The following GLYATL2 variants were observed in gnomAD, a reference collection of about 807,000 sequenced individuals.
GLYATL2 encodes the protein glycine N-acyltransferase-like protein 2.
GLYATL2 carries 25 observed loss-of-function variants against 21.4 expected under a neutral mutation model. That is an observed-to-expected ratio of 1.17 (90% confidence interval 0.85 to 1.63). The LOEUF (loss-of-function observed/expected upper bound fraction) is 1.63, where lower values mean the gene tolerates loss of function less well. Among genes scored for constraint, GLYATL2 ranks in the 40% most tolerant of loss-of-function variants. GLYATL2 has a pLI of 0.00. For missense variants in GLYATL2, 361 were observed against 343.3 expected (o/e 1.05, Z -0.41); for synonymous variants, 114 against 118.2 (o/e 0.96, Z 0.23).
intron 1 of GLYATL2, among the ~76,000 whole-genome samples, chr11:58,869,027 A>ATCAT (rs1565098933): frequency 2.3e-4 from 30 of 128,744 alleles, no homozygotes; most frequent in East Asian, 1.6e-3. Flanking sequence ...TGTGGGTACC[A>ATCAT]GATGGTGGGA....
intron 1 of GLYATL2, among the ~76,000 whole-genome samples, chr11:58,894,238 G>C (rs1389559249): frequency 6.6e-6 from 1 of 152,174 alleles, no homozygotes; most frequent in Non-Finnish European, 1.5e-5. Context: ...GACTACTAAG[G>C]TGAGGACTGG....
At chr11:58,874,654 C>T (rs1450095700) in intron 1 of GLYATL2, among the ~76,000 whole-genome samples, 2 of 152,146 alleles carry the variant, frequency 1.3e-5, no homozygotes, top group Admixed American at 6.6e-5. Flanking sequence ...GTCTGAGAAA[C>T]AGTTTGTTAT....
intron 5 of GLYATL2, 58 bp from the exon 6 acceptor site, chr11:58,834,895 CA>C: frequency 1.5e-6 from 2 of 1,325,138 alleles, no homozygotes; most frequent in Non-Finnish European, 2.1e-6. Context: ...ACTGGAATTT[CA>C]AAAAATAAAT....
chr11:58,840,242 T>C (rs1250836018), intron 1 of GLYATL2, among the ~76,000 whole-genome samples: 1 of 152,166 alleles, frequency 6.6e-6, no homozygotes, highest in Admixed American at 6.5e-5. Context: ...TGGAATTATA[T>C]GTTAGCAACC....
At position 58,855,640 on chromosome 11, in the gene GLYATL2, T is replaced by C. The variant is rs114355884; in HGVS notation, n.61-17272A>G. Among the ~76,000 whole-genome samples, 598 of 152,362 alleles carry C rather than the reference T, an allele frequency of 3.9e-3. 6 individuals are homozygous for C. The highest frequency in any genetic ancestry group is 0.012 in the African/African-American group (517 of 41,580). On this transcript the variant is annotated intron_variant and non_coding_transcript_variant, in intron 1 of 4. Transcript: ENST00000533636. ...AGCCTGTCCTTTGCAGCTTTGAAGTTAGGCATTGTCTTCCCCTTTCCAGCT... is the reference window on the plus strand; with the variant it reads ...AGCCTGTCCTTTGCAGCTTTGAAGTCAGGCATTGTCTTCCCCTTTCCAGCT...
At chr11:58,909,424 A>C in the GLYATL2 span, among the ~76,000 whole-genome samples, 1 of 152,208 alleles carries the variant, frequency 6.6e-6, no homozygotes, top group Admixed American at 6.5e-5. Flanking sequence ...GGCAGAATGG[A>C]TGAGACTTTT....
chr11:58,873,912 G>A (rs989626223), intron 1 of GLYATL2, among the ~76,000 whole-genome samples: 1 of 152,068 alleles, frequency 6.6e-6, no homozygotes, highest in Non-Finnish European at 1.5e-5. Flanking sequence ...AATCCATCTG[G>A]TCCTGGACTT....
chr11:58,860,067 T>C (rs529461606), intron 1 of GLYATL2, among the ~76,000 whole-genome samples: 1 of 152,310 alleles, frequency 6.6e-6, no homozygotes, highest in Admixed American at 6.5e-5. Flanking sequence ...TGCAGCTTTG[T>C]TCTTGTTGCT....
rs1554980634 is a variant in GLYATL2 at position 58,894,476 on chromosome 11, C to CAAA, written n.60+9677_60+9679dup. Among the ~76,000 whole-genome samples the CAAA allele has an allele frequency of 2.2e-3, 257 of 116,542 alleles. 7 individuals are homozygous for CAAA. Among genetic ancestry groups the CAAA allele is most frequent in the African/African-American group, 8.0e-3 (248 of 31,088 alleles). The allele number at this position is 116,542 out of a possible 152,430, so 76.5% of individuals were successfully genotyped here. A position where few individuals can be genotyped will look rare whatever the true frequency, so the allele number is the denominator to read the frequency against. On this transcript the variant is annotated intron_variant and non_coding_transcript_variant, in intron 1 of 4. Coordinates refer to the GLYATL2 transcript ENST00000533636. Reference sequence around the variant, plus strand: ...ATTACTGTGAACATTGCAGCTATAGCAAAAAAAAAAAAAAAAAGCATTTTC... The same window carrying CAAA: ...ATTACTGTGAACATTGCAGCTATAGCAAAAAAAAAAAAAAAAAAAAGCATTTTC...
At chr11:58,845,599 CTAAT>C (rs1219310690), upstream of GLYATL2, among the ~76,000 whole-genome samples, 1 of 151,802 alleles carries the variant, frequency 6.6e-6, no homozygotes, top group Non-Finnish European at 1.5e-5. Context: ...GATACTATCT[CTAAT>C]TAAAAAAAAA....
At chr11:58,896,748 T>TG (rs1854642922) in intron 1 of GLYATL2, among the ~76,000 whole-genome samples, 1 of 152,128 alleles carries the variant, frequency 6.6e-6, no homozygotes. Flanking sequence ...TGTTTTGTTT[T>TG]TATTTTAACG....
intron 1 of GLYATL2, among the ~76,000 whole-genome samples, chr11:58,882,236 G>T (rs1854350201): frequency 6.6e-6 from 1 of 152,148 alleles, no homozygotes; most frequent in African/African-American, 2.4e-5. Flanking sequence ...ATCCTGTCCA[G>T]CACCTGTTGT....
At chr11:58,859,053 T>A (rs1426178294) in intron 1 of GLYATL2, among the ~76,000 whole-genome samples, 1 of 152,190 alleles carries the variant, frequency 6.6e-6, no homozygotes, top group Non-Finnish European at 1.5e-5. Flanking sequence ...TCTTCCTGTG[T>A]AGGGGTGGAA....
chr11:58,900,595 CG>C (rs960195653), intron 1 of GLYATL2, among the ~76,000 whole-genome samples: 18 of 152,048 alleles, frequency 1.2e-4, no homozygotes, highest in Admixed American at 1.3e-4. Flanking sequence ...CCCAGCGTGA[CG>C]GGGGGTAGGT....
chr11:58,839,005 A>G (rs1470207944), intron 2 of GLYATL2, among the ~76,000 whole-genome samples: 1 of 152,192 alleles, frequency 6.6e-6, no homozygotes, highest in African/African-American at 2.4e-5. Context: ...GCATGAGTGA[A>G]ATGATTAAGA....
chr11:58,874,703 T>C (rs1443095256), intron 1 of GLYATL2, among the ~76,000 whole-genome samples: 2 of 152,250 alleles, frequency 1.3e-5, no homozygotes, highest in African/African-American at 4.8e-5. Context: ...AGTTCTTTAC[T>C]TCCAACTATG....
intron 1 of GLYATL2, among the ~76,000 whole-genome samples, chr11:58,871,727 A>G (rs1854124845): frequency 6.6e-6 from 1 of 152,182 alleles, no homozygotes; most frequent in African/African-American, 2.4e-5. Context: ...TATTGTGAAT[A>G]GTGCTGCAAT....
At chr11:58,868,503 C>A (rs143922013) in intron 1 of GLYATL2, among the ~76,000 whole-genome samples, 2 of 149,096 alleles carry the variant, frequency 1.3e-5, no homozygotes, top group Admixed American at 6.9e-5. Context: ...TGAGACCGAA[C>A]TTGCATCTCC....
chr11:58,876,930 G>C (rs1854245157), intron 1 of GLYATL2, among the ~76,000 whole-genome samples: 1 of 152,260 alleles, frequency 6.6e-6, no homozygotes, highest in Non-Finnish European at 1.5e-5. Flanking sequence ...GCTGTGGTGG[G>C]CTCCACCCAG....
Sources: allele counts gnomAD v4.1 joint callset (sites outside exome capture counted in the v4.1 genomes callset), GRCh38; gene constraint gnomAD v4.1.1; transcripts MANE v1.5; gene names NCBI Gene and HGNC (gene_info 2026-07-23, HGNC 2026-07-21).